The following CD44 variants were observed in gnomAD, a reference collection of about 807,000 sequenced individuals.
CD44 encodes the protein CD44 antigen.
In CD44, 49 loss-of-function variants were observed where a neutral mutation model predicts 88.8. The observed-to-expected ratio is 0.55, with a 90% CI of 0.44 to 0.70. CD44 has a LOEUF of 0.70. Ranked by LOEUF, CD44 falls within the 30% of genes least tolerant of loss-of-function variation. The pLI is 0.00. For synonymous variants in CD44, 325 were observed against 312.3 expected, an observed-to-expected ratio of 1.04 and a Z score of -0.43; for missense variants, 883 against 913.8, an observed-to-expected ratio of 0.97 and a Z score of 0.43.
At chr11:35,217,080 C>A (rs904574427) in intron 15 of CD44, among the ~76,000 whole-genome samples, 2 of 152,040 alleles carry the variant, frequency 1.3e-5, no homozygotes, top group African/African-American at 4.8e-5. Flanking sequence ...GATTTGTAGA[C>A]ATCTAGGGCA....
chr11:35,209,258 A>G (rs1437004689), intron 12 of CD44, among the ~76,000 whole-genome samples: 3 of 152,206 alleles, frequency 2.0e-5, no homozygotes, highest in Non-Finnish European at 4.4e-5. Flanking sequence ...GTGATTTTAG[A>G]TATGGGCAAT....
intron 1 of CD44, among the ~76,000 whole-genome samples, chr11:35,151,769 A>G (rs540487559): frequency 1.3e-5 from 2 of 152,324 alleles, no homozygotes; most frequent in South Asian, 4.1e-4. Context: ...GCCATACTAT[A>G]GACTCTATCT....
At chr11:35,143,153 T>G (rs1337915992) in intron 1 of CD44, among the ~76,000 whole-genome samples, 1 of 152,026 alleles carries the variant, frequency 6.6e-6, no homozygotes, top group Non-Finnish European at 1.5e-5. Context: ...ACAATAATAA[T>G]GATATATATT....
intron 11 of CD44, 105 bp downstream of exon 11, chr11:35,206,348 T>C: frequency 1.7e-6 from 2 of 1,158,272 alleles, no homozygotes; most frequent in Non-Finnish European, 2.4e-6. Flanking sequence ...CAAACTACTT[T>C]CCTGAAGGAC....
chr11:35,207,372 G>C (rs1947968220), intron 11 of CD44, among the ~76,000 whole-genome samples: 1 of 152,208 alleles, frequency 6.6e-6, no homozygotes, highest in African/African-American at 2.4e-5. Context: ...AATATCGATG[G>C]GGTTTATGAA....
chr11:35,176,947 C>G, intron 2 of CD44: 1 of 527,068 alleles, frequency 1.9e-6, no homozygotes, highest in South Asian at 2.6e-5. Flanking sequence ...AATCATAGAG[C>G]GGGAACCCAG....
At chr11:35,190,134 C>T in intron 5 of CD44, 69 bp downstream of exon 5, 1 of 1,306,840 alleles carries the variant, frequency 7.7e-7, no homozygotes, top group Non-Finnish European at 1.1e-6. Context: ...CCTTCCTGAG[C>T]ATTGCACACT....
intron 3 of CD44, among the ~76,000 whole-genome samples, chr11:35,186,033 G>C (rs1422283522): frequency 7.0e-6 from 1 of 143,234 alleles, no homozygotes; most frequent in East Asian, 2.0e-4. Flanking sequence ...TGAAAGAGTA[G>C]AGGATAAAAC....
intron 1 of CD44, among the ~76,000 whole-genome samples, chr11:35,147,392 G>A (rs1859369921): frequency 6.6e-6 from 1 of 152,168 alleles, no homozygotes; most frequent in Admixed American, 6.5e-5. Flanking sequence ...CTTCTCTCCA[G>A]CCCTAGCCTA....
Position 35,139,173 on chromosome 11 carries a change from C to T in CD44, c.-131C>T, listed in dbSNP as rs1857396886. 2.9e-6 allele frequency: 2 copies of T among 692,082 alleles called. No individual in the cohort carries two copies. The highest frequency in any genetic ancestry group is 1.7e-5 in the South Asian group (1 of 59,132). The allele number at this position is 692,082 out of a possible 1,614,324, so 42.9% of individuals were successfully genotyped here. On this transcript the variant is annotated 5_prime_UTR_variant, in exon 1 of 18. Coordinates refer to ENST00000428726, the MANE Select transcript of CD44 (RefSeq NM_000610.4). ...CTGCAGCCAACTTCCGAGGCAGCCT[C>T]ATTGCCCAGCGGACCCCAGCCTCTG...
intron 1 of CD44, among the ~76,000 whole-genome samples, chr11:35,157,321 G>GTCTATCTACCTA (rs1554950203): frequency 1.1e-3 from 159 of 147,288 alleles, no homozygotes; most frequent in African/African-American, 3.7e-3. Flanking sequence ...CTGTCTGTCT[G>GTCTATCTACCTA]TCTATCTATC....
At chr11:35,215,420 G>C (rs1948750218) in intron 15 of CD44, among the ~76,000 whole-genome samples, 1 of 152,200 alleles carries the variant, frequency 6.6e-6, no homozygotes, top group Non-Finnish European at 1.5e-5. Context: ...ACAGGACATT[G>C]TTTCAAAGAC....
chr11:35,206,669 T>G (rs4141969), intron 11 of CD44, among the ~76,000 whole-genome samples: 97,334 of 144,848 alleles, frequency 0.67, 32,554 homozygotes, highest in South Asian at 0.76. Flanking sequence ...TGGGGGTTGG[T>G]GGGGGGGGCA....
chr11:35,182,543 A>G (rs1446041543), intron 3 of CD44, among the ~76,000 whole-genome samples: 1 of 152,226 alleles, frequency 6.6e-6, no homozygotes, highest in Non-Finnish European at 1.5e-5. Context: ...TACACGACTC[A>G]TACATACTCA....
At chr11:35,168,365 C>T (rs1943531749) in intron 1 of CD44, among the ~76,000 whole-genome samples, 1 of 152,224 alleles carries the variant, frequency 6.6e-6, no homozygotes, top group African/African-American at 2.4e-5. Context: ...CTTACATCTT[C>T]TCAATGAATC....
chr11:35,211,603 T>A (rs1948395472), intron 14 of CD44, among the ~76,000 whole-genome samples, 154 bp downstream of exon 14: 2 of 152,160 alleles, frequency 1.3e-5, no homozygotes, highest in South Asian at 4.1e-4. Flanking sequence ...CTAGTGCAAA[T>A]AAACTTGGGT....
intron 5 of CD44, among the ~76,000 whole-genome samples, chr11:35,192,790 CTT>C (rs35505196): frequency 0.46 from 50,472 of 109,356 alleles, 10,417 homozygotes; most frequent in East Asian, 0.7. Flanking sequence ...GGAATTCTTT[CTT>C]TTTTTTTTTT....
At chr11:35,146,026 G>C (rs1590874626) in intron 1 of CD44, among the ~76,000 whole-genome samples, 1 of 143,928 alleles carries the variant, frequency 6.9e-6, no homozygotes, top group East Asian at 2.3e-4. Flanking sequence ...AGACCTGAGA[G>C]ACAGGGAGAC....
At chr11:35,206,800 G>C (rs1947910337) in intron 11 of CD44, among the ~76,000 whole-genome samples, 2 of 152,152 alleles carry the variant, frequency 1.3e-5, no homozygotes, top group Non-Finnish European at 2.9e-5. Context: ...GGCTAGGCAG[G>C]GGCCATTATG....
Sources: gnomAD v4.1 joint callset for allele counts (sites outside exome capture counted in the v4.1 genomes callset) on GRCh38, gnomAD v4.1.1 for gene constraint, MANE v1.5 for transcripts, NCBI Gene and HGNC (gene_info 2026-07-23, HGNC 2026-07-21) for gene names.